ACACB: variants seen among roughly 807,000 people sequenced by gnomAD.
ACACB encodes the protein acetyl-CoA carboxylase 2.
Under a neutral mutation model 278.8 loss-of-function variants are expected in ACACB, and 209 were observed. The ratio of observed to expected loss-of-function variants is 0.75; its 90% CI spans 0.67 to 0.84. The LOEUF (loss-of-function observed/expected upper bound fraction) is 0.84, where lower values mean the gene tolerates loss of function less well. Among genes scored for constraint, ACACB ranks in the 40% least tolerant of loss-of-function variants. ACACB has a pLI of 0.00. For missense variants in ACACB, 2,850 were observed against 3,269.0 expected, an observed-to-expected ratio of 0.87 and a Z score of 3.13; for synonymous variants, 1,174 against 1,285.6, an observed-to-expected ratio of 0.91 and a Z score of 1.86.
chr12:109,218,627 G>T (rs923224343), intron 24 of ACACB, among the ~76,000 whole-genome samples: 5 of 151,148 alleles, frequency 3.3e-5, no homozygotes, highest in African/African-American at 1.2e-4. Flanking sequence ...CTTGGACTTG[G>T]CTTATAGTAG....
Position 109,188,085 on chromosome 12 carries a change from T to G in ACACB, c.2067T>G (p.Thr689=). 5 of 1,613,838 alleles carry G rather than the reference T, an allele frequency of 3.1e-6. No individual in the cohort carries two copies. The highest frequency in any genetic ancestry group is 4.2e-6 in the Non-Finnish European group (5 of 1,179,726). The part of the protein sequence containing the change: ...NVWGYFSVAA[T]GGLHEFADSQ... ...GGGGTTACTTCAGCGTGGCCGCTACTGGAGGCCTGCACGAGTTTGCGGATT... is the reference window on the plus strand; with the variant it reads ...GGGGTTACTTCAGCGTGGCCGCTACGGGAGGCCTGCACGAGTTTGCGGATT... Residue 689 remains threonine, a synonymous_variant, in exon 13 of 53, where the codon ACT becomes ACG. Coordinates refer to ENST00000338432, the MANE Select transcript of ACACB (RefSeq NM_001093.4).
intron 5 of ACACB, 87 bp from the exon 6 acceptor site, chr12:109,172,188 C>A: frequency 2.3e-6 from 3 of 1,312,448 alleles, no homozygotes; most frequent in East Asian, 2.3e-5. Flanking sequence ...TCCCAAACTG[C>A]TGGGGTTATA....
chr12:109,143,042 C>T (rs552750217), intron 2 of ACACB, among the ~76,000 whole-genome samples: 5 of 152,268 alleles, frequency 3.3e-5, no homozygotes, highest in Admixed American at 3.3e-4. Context: ...GAATGTGGAG[C>T]TGAATGACAT....
Position 109,188,162 on chromosome 12 carries a change from C to T in ACACB, c.2144C>T (p.Ser715Leu), listed in dbSNP as rs753617014. ...SWGENREEAI[S>L]NMVVALKELS... ...GGAGAGAACCGGGAAGAGGCCATTTCGTCAGTATCTCCTTCCTTCCTTCCT... is the reference window on the plus strand; with the variant it reads ...GGAGAGAACCGGGAAGAGGCCATTTTGTCAGTATCTCCTTCCTTCCTTCCT... Residue 715 changes from serine to leucine, a missense_variant and splice_region_variant, in exon 13 of 53, where the codon TCG becomes TTG. Physicochemically the swap from Ser to Leu is moderately radical, Grantham distance 145 (BLOSUM62 -2). This residue lies in a region of ACACB where 2,265 missense variants were observed against 2,561.3 expected (regional missense o/e 0.88). Transcript: ENST00000338432. 4.4e-6 allele frequency: 7 copies of T among 1,593,978 alleles called. No homozygotes were observed. Among genetic ancestry groups the T allele is most frequent in the East Asian group, 4.5e-5 (2 of 44,058 alleles).
intron 15 of ACACB, among the ~76,000 whole-genome samples, chr12:109,192,465 T>C (rs1315868142): frequency 6.6e-6 from 1 of 152,054 alleles, no homozygotes; most frequent in East Asian, 1.9e-4. Context: ...CCGTGCATCA[T>C]AGGATGTTAG....
intron 1 of ACACB, among the ~76,000 whole-genome samples, chr12:109,133,836 CATAT>C (rs71443838): frequency 1.6e-4 from 7 of 44,678 alleles, no homozygotes; most frequent in African/African-American, 7.4e-4. Context: ...AATGTGTGTG[CATAT>C]ATATATATAT....
intron 1 of ACACB, among the ~76,000 whole-genome samples, chr12:109,121,583 CT>C (rs1473243274): frequency 3.3e-5 from 5 of 152,172 alleles, no homozygotes; most frequent in Non-Finnish European, 7.3e-5. Flanking sequence ...CTGGTGGCCC[CT>C]GATACAGCAG....
intron 2 of ACACB, among the ~76,000 whole-genome samples, chr12:109,160,722 A>G (rs1388909462): frequency 6.6e-6 from 1 of 152,204 alleles, no homozygotes; most frequent in Non-Finnish European, 1.5e-5. Context: ...TTCCAGCTTT[A>G]TCAAAAAGAA....
chr12:109,264,960 C>T (rs1450730887), intron 50 of ACACB, 150 bp from the exon 51 acceptor site: 3 of 876,340 alleles, frequency 3.4e-6, no homozygotes, highest in African/African-American at 1.7e-5. Context: ...CCTTCTCCTC[C>T]CTGAGCCTCA....
chr12:109,174,149 A>T lies in ACACB; in HGVS notation c.1135A>T (p.Met379Leu). The change falls in exon 7 of 53, where the codon ATG becomes TTG. Residue 379 changes from methionine to leucine, a missense_variant. Coordinates refer to ENST00000338432, the MANE Select transcript of ACACB (RefSeq NM_001093.4). ...VAFLGPPSEA[M>L]WALGDKIAST... ...TTCCTCAGGCCCTCCCAGTGAGGCCATGTGGGCCTTAGGAGATAAGATCGC... is the reference window on the plus strand; with the variant it reads ...TTCCTCAGGCCCTCCCAGTGAGGCCTTGTGGGCCTTAGGAGATAAGATCGC... 1 of 1,612,198 alleles carries T rather than the reference A, an allele frequency of 6.2e-7. No individual in the cohort carries two copies. The highest frequency in any genetic ancestry group is 8.5e-7 in the Non-Finnish European group (1 of 1,179,350).
chr12:109,219,881 C>T (rs563675192), intron 24 of ACACB, among the ~76,000 whole-genome samples: 13 of 152,098 alleles, frequency 8.5e-5, no homozygotes, highest in Non-Finnish European at 1.5e-4. Flanking sequence ...AATTTATGCC[C>T]AAGGAGATAT....
Position 109,222,896 on chromosome 12 carries a change from G to A in ACACB, c.3776G>A (p.Cys1259Tyr), listed in dbSNP as rs2046215083. The A allele has an allele frequency of 6.2e-7, 1 of 1,611,002 alleles. No individual in the cohort carries two copies. The highest frequency in any genetic ancestry group is 1.3e-5 in the African/African-American group (1 of 74,930). ...ATTGACATGTACGGCCACCAGTTCT[G>A]CCCCGAGAACCTCAAGGTGAGCCCG... Reference protein sequence around the residue: ...SAIDMYGHQFCPENLKKLILS... With the variant: ...SAIDMYGHQFYPENLKKLILS... Residue 1259 changes from cysteine (C) to tyrosine (Y), a missense_variant, in exon 26 of 53, where the codon TGC becomes TAC. Around this residue, in one of 3 missense-constraint regions of ACACB, gnomAD observed 2,265 missense variants for 2,561.3 expected, o/e 0.88. Coordinates refer to ENST00000338432, the MANE Select transcript of ACACB (RefSeq NM_001093.4).
chr12:109,254,460 G>A (rs1469109218), intron 44 of ACACB, 126 bp downstream of exon 44: 5 of 968,268 alleles, frequency 5.2e-6, no homozygotes, highest in African/African-American at 1.7e-5. Flanking sequence ...TCCCAGAGAG[G>A]TATACCTGAA....
chr12:109,215,999 T>G (rs2045984275), intron 22 of ACACB, among the ~76,000 whole-genome samples: 1 of 151,972 alleles, frequency 6.6e-6, no homozygotes. Flanking sequence ...AGGTCTCACC[T>G]TGTTGCCCAG....
rs779029093 is a variant in ACACB, at chr12:109,197,071, G to A, written c.2545G>A (p.Ala849Thr). 3.8e-6 allele frequency: 6 copies of A among 1,595,122 alleles called. No homozygotes were observed. The highest frequency in any genetic ancestry group is 2.3e-5 in the East Asian group (1 of 43,416). Residue 849 changes from alanine to threonine, a missense_variant, in exon 17 of 53, where the codon GCC becomes ACC. Around this residue, in one of 3 missense-constraint regions of ACACB, gnomAD observed 2,265 missense variants for 2,561.3 expected, o/e 0.88. Coordinates refer to ENST00000338432, the MANE Select transcript of ACACB (RefSeq NM_001093.4). ...IMNGCHIEID[A>T]HRLNDGGLLL... is the part of the protein sequence containing the mutation. ...GAATGGCTGCCACATCGAGATTGAT[G>A]CCCACCGGCTGAATGATGGGGGGCT...
intron 19 of ACACB, among the ~76,000 whole-genome samples, chr12:109,203,856 A>G (rs1286111448): frequency 6.6e-6 from 1 of 152,176 alleles, no homozygotes; most frequent in Non-Finnish European, 1.5e-5. Flanking sequence ...CAGTGCTCGG[A>G]GCATAGTGGG....
intron 34 of ACACB, among the ~76,000 whole-genome samples, chr12:109,238,618 G>T (rs1244365079): frequency 6.7e-6 from 1 of 149,184 alleles, no homozygotes; most frequent in Non-Finnish European, 1.5e-5. Context: ...AGGCTGGAGT[G>T]CAATGGCACA....
rs189270288 is a variant in ACACB at position 109,191,463 on chromosome 12, C to T, written c.2145-150C>T. The T allele has an allele frequency of 6.7e-6, 6 of 895,902 alleles. No individual in the cohort carries two copies. The East Asian group carries it at 1.3e-4, about 20-fold the overall frequency. 55.5% of individuals were successfully genotyped at this position (895,902 alleles called of 1,614,324 possible). A position where few individuals can be genotyped will look rare whatever the true frequency, so the allele number is the denominator to read the frequency against. Reference sequence around the variant, plus strand: ...TCCTGACCTCAAGTAATACACCTACCTCAGCCTCCCAAAGTGCTGGGATTA... The same window carrying T: ...TCCTGACCTCAAGTAATACACCTACTTCAGCCTCCCAAAGTGCTGGGATTA... On this transcript the variant is annotated intron_variant, in intron 13 of 52. Transcript: ENST00000338432.
chr12:109,136,363 T>C (rs1291630222), intron 1 of ACACB, among the ~76,000 whole-genome samples: 2 of 152,228 alleles, frequency 1.3e-5, no homozygotes, highest in Non-Finnish European at 2.9e-5. Flanking sequence ...TTCCTTTGGA[T>C]AATATGGACA....
Sources: gnomAD v4.1 joint callset for allele counts (sites outside exome capture counted in the v4.1 genomes callset) on GRCh38, gnomAD v4.1.1 for gene constraint, gnomAD v4.1.1 regional missense constraint, MANE v1.5 for transcripts, NCBI Gene and HGNC (gene_info 2026-07-23, HGNC 2026-07-21) for gene names.